Variants in VAV3 observed in about 807,000 individuals in gnomAD.
VAV3 encodes vav guanine nucleotide exchange factor 3.
VAV3 carries 94 observed loss-of-function variants against 131.2 expected under a neutral mutation model. The ratio of observed to expected loss-of-function variants is 0.72; its 90% CI spans 0.61 to 0.85. VAV3 has a LOEUF of 0.85. VAV3 is among the 40% of genes least tolerant of loss of function. The probability of loss-of-function intolerance (pLI) is 0.00; values close to 1 mark genes in which losing one functional copy is unlikely to be tolerated. For synonymous variants in VAV3, 349 were observed against 342.0 expected (o/e 1.02, Z -0.22); for missense variants, 939 against 1,002.7 (o/e 0.94, Z 0.86).
At chr1:107,891,287 A>T (rs563393431) in intron 1 of VAV3, among the ~76,000 whole-genome samples, 1 of 152,252 alleles carries the variant, frequency 6.6e-6, no homozygotes, top group East Asian at 1.9e-4. Flanking sequence ...AGTGATAGTC[A>T]TTCTCTCCTC....
At chr1:107,781,896 A>G (rs144399030) in intron 2 of VAV3, among the ~76,000 whole-genome samples, 80 of 152,368 alleles carry the variant, frequency 5.3e-4, no homozygotes, top group African/African-American at 1.8e-3. Context: ...TAATAAATTT[A>G]TCAAAAATAA....
At chr1:107,875,808 C>G (rs1187984342) in intron 1 of VAV3, among the ~76,000 whole-genome samples, 2 of 152,128 alleles carry the variant, frequency 1.3e-5, no homozygotes, top group African/African-American at 4.8e-5. Context: ...AAGGCTCTTG[C>G]AATAACCCAG....
chr1:107,873,974 T>G (rs879309827), intron 2 of VAV3, among the ~76,000 whole-genome samples: 1 of 152,238 alleles, frequency 6.6e-6, no homozygotes, highest in Non-Finnish European at 1.5e-5. Flanking sequence ...AATCCATTGG[T>G]TATTTTCTAA....
intron 25 of VAV3, among the ~76,000 whole-genome samples, chr1:107,594,892 A>G (rs1436868296): frequency 6.6e-6 from 1 of 152,136 alleles, no homozygotes; most frequent in Non-Finnish European, 1.5e-5. Context: ...TTTTTCATCT[A>G]ACTGACCTCC....
At chr1:107,930,336 T>A (rs192913759) in intron 1 of VAV3, among the ~76,000 whole-genome samples, 191 of 152,118 alleles carry the variant, frequency 1.3e-3, no homozygotes, top group African/African-American at 4.4e-3. Context: ...AACTAAAAAA[T>A]TTTTTTAAAG....
At chr1:107,642,538 G>A (rs770731376) in intron 20 of VAV3, 81 bp downstream of exon 20, 41 of 1,527,314 alleles carry the variant, frequency 2.7e-5, no homozygotes, top group Non-Finnish European at 3.5e-5. Flanking sequence ...CTGTGGACTC[G>A]CCCTGAATTC....
intron 22 of VAV3, among the ~76,000 whole-genome samples, chr1:107,607,693 T>G (rs149234851): frequency 1.8e-4 from 28 of 152,340 alleles, no homozygotes; most frequent in African/African-American, 5.0e-4. Context: ...GTTCCCCAGT[T>G]TGCAGTCCCA....
chr1:107,683,280 T>C (rs1413640669), intron 19 of VAV3, among the ~76,000 whole-genome samples: 1 of 152,216 alleles, frequency 6.6e-6, no homozygotes, highest in East Asian at 1.9e-4. Flanking sequence ...AACTGCTGAC[T>C]GTGGAAAGAG....
At chr1:107,822,033 C>A (rs990106034) in intron 2 of VAV3, among the ~76,000 whole-genome samples, 5 of 152,158 alleles carry the variant, frequency 3.3e-5, no homozygotes, top group Admixed American at 6.5e-5. Context: ...AGTGCCTTAT[C>A]TACTGACTGG....
chr1:107,841,332 A>G (rs1402514038), intron 2 of VAV3, among the ~76,000 whole-genome samples: 1 of 152,204 alleles, frequency 6.6e-6, no homozygotes, highest in Non-Finnish European at 1.5e-5. Context: ...TATAAATGGT[A>G]TATCAGCTGT....
At chr1:107,813,231 G>A (rs1365380182) in intron 2 of VAV3, among the ~76,000 whole-genome samples, 1 of 152,096 alleles carries the variant, frequency 6.6e-6, no homozygotes, top group South Asian at 2.1e-4. Context: ...AGTAAGTCTG[G>A]AAAGGCATGG....
At chr1:107,757,205 A>G (rs1283198401) in intron 11 of VAV3, 56 bp downstream of exon 11, 2 of 1,414,636 alleles carry the variant, frequency 1.4e-6, no homozygotes, top group Non-Finnish European at 2.0e-6. Flanking sequence ...TTTGAATTCC[A>G]TTGTCTTTAG....
At chr1:107,955,464 G>GC (rs1289560890) in intron 1 of VAV3, among the ~76,000 whole-genome samples, 1 of 151,892 alleles carries the variant, frequency 6.6e-6, no homozygotes, top group African/African-American at 2.4e-5. Flanking sequence ...AAAGGAACTA[G>GC]CCTATGGCAT....
At chr1:107,881,590 G>A (rs577152355) in intron 1 of VAV3, among the ~76,000 whole-genome samples, 14 of 152,126 alleles carry the variant, frequency 9.2e-5, no homozygotes, top group Non-Finnish European at 1.5e-4. Flanking sequence ...ACAACCATGC[G>A]TAGCCTCTCT....
intron 20 of VAV3, among the ~76,000 whole-genome samples, chr1:107,629,296 T>G (rs1366827663): frequency 6.6e-6 from 1 of 152,234 alleles, no homozygotes; most frequent in Non-Finnish European, 1.5e-5. Flanking sequence ...TTTCTCTGTC[T>G]TGCCCTCTCT....
At chr1:107,747,604 A>G (rs189291725) in intron 15 of VAV3, among the ~76,000 whole-genome samples, 64 of 152,330 alleles carry the variant, frequency 4.2e-4, no homozygotes, top group African/African-American at 1.4e-3. Context: ...CTATTGTTCA[A>G]TATCACATAG....
At chr1:107,598,642 A>T (rs1297273951) in intron 24 of VAV3, among the ~76,000 whole-genome samples, 1 of 152,250 alleles carries the variant, frequency 6.6e-6, no homozygotes, top group Non-Finnish European at 1.5e-5. Context: ...AGAAGTTTGT[A>T]TCTCCAAAAT....
chr1:107,964,446 C>T (rs1675313377), intron 1 of VAV3: 2 of 509,606 alleles, frequency 3.9e-6, no homozygotes, highest in South Asian at 5.6e-5. Flanking sequence ...ATCCTCACAC[C>T]ATCTCCGGAC....
intron 25 of VAV3, among the ~76,000 whole-genome samples, chr1:107,595,307 AT>A: frequency 6.6e-6 from 1 of 152,214 alleles, no homozygotes. Context: ...AACTTCACTG[AT>A]GTTGTTGAAA....
Sources: gnomAD v4.1 joint callset for allele counts (sites outside exome capture counted in the v4.1 genomes callset) on GRCh38, gnomAD v4.1.1 for gene constraint, MANE v1.5 for transcripts, NCBI Gene and HGNC (gene_info 2026-07-23, HGNC 2026-07-21) for gene names.